Variants in ARHGAP23 observed in about 807,000 individuals in gnomAD.
ARHGAP23 encodes the protein rho GTPase-activating protein 23.
ARHGAP23 carries 34 observed loss-of-function variants against 136.3 expected under a neutral mutation model. That is an observed-to-expected ratio of 0.25 (90% CI 0.19 to 0.33). The LOEUF (loss-of-function observed/expected upper bound fraction) is 0.33, where lower values mean the gene tolerates loss of function less well. ARHGAP23 is among the 10% of genes least tolerant of loss of function. The pLI, the probability that ARHGAP23 is intolerant of heterozygous loss-of-function variation, is 1.00. For synonymous variants in ARHGAP23, 832 were observed against 920.5 expected, an observed-to-expected ratio of 0.90 and a Z score of 1.74; for missense variants, 1,808 against 2,139.0, an observed-to-expected ratio of 0.85 and a Z score of 3.05.
intron 12 of ARHGAP23, among the ~76,000 whole-genome samples, chr17:38,479,202 G>T (rs1277380125): frequency 1.3e-5 from 2 of 152,188 alleles, no homozygotes; most frequent in Admixed American, 1.3e-4. Context: ...AGCCTTCCCT[G>T]TTAGCCCCCC....
At chr17:38,478,513 C>T (rs188293805) in intron 12 of ARHGAP23, among the ~76,000 whole-genome samples, 1 of 151,650 alleles carries the variant, frequency 6.6e-6, no homozygotes, top group Non-Finnish European at 1.5e-5. Context: ...CTCCCAGGTT[C>T]AAGTGATTCT....
At chr17:38,480,655 G>A (rs2040015713) in intron 14 of ARHGAP23, among the ~76,000 whole-genome samples, 1 of 150,538 alleles carries the variant, frequency 6.6e-6, no homozygotes, top group East Asian at 2.0e-4. Flanking sequence ...TACAATAAAA[G>A]TACCCGGGCG....
At position 38,510,045 on chromosome 17, in the gene ARHGAP23, G is replaced by A; in HGVS notation, c.3549G>A (p.Arg1183=). 8.0e-7 allele frequency: 1 copy of A among 1,243,486 alleles called. No individual in the cohort carries two copies. Among genetic ancestry groups the A allele is most frequent in the Non-Finnish European group, 1.0e-6 (1 of 994,478 alleles). 77.0% of individuals were successfully genotyped at this position (1,243,486 alleles called of 1,614,324 possible). The change falls in exon 24 of 24, where the codon CGG becomes CGA. Residue 1183 remains arginine, a synonymous_variant. Coordinates refer to ENST00000622683, the MANE Select transcript of ARHGAP23 (RefSeq NM_001199417.2). This position sits in a 1 kb window ranked among gnomAD's most constrained non-coding sequence, Gnocchi z 4.6. Reference sequence around the variant, plus strand: ...AGCGCAAGAAGCGGCGGGAGGCGCGGGGGCTGGGCAGCAGCACCGACGACG... The same window carrying A: ...AGCGCAAGAAGCGGCGGGAGGCGCGAGGGCTGGGCAGCAGCACCGACGACG... ...NRKRKKRREA[R]GLGSSTDDDS...
At chr17:38,458,284 C>T (rs931174099) in intron 2 of ARHGAP23, 21 bp downstream of exon 2, 2 of 1,488,292 alleles carry the variant, frequency 1.3e-6, no homozygotes, top group Non-Finnish European at 1.8e-6. Flanking sequence ...CTCGCCGCTG[C>T]CCTGGTCTGG....
At chr17:38,464,999 G>C (rs1274967941) in intron 6 of ARHGAP23, among the ~76,000 whole-genome samples, 1 of 152,096 alleles carries the variant, frequency 6.6e-6, no homozygotes, top group Admixed American at 6.5e-5. Context: ...GAGAGAGTCG[G>C]GTGGGGGTGA....
chr17:38,443,444 G>T (rs1668329520), intron 1 of ARHGAP23, among the ~76,000 whole-genome samples: 1 of 152,154 alleles, frequency 6.6e-6, no homozygotes, highest in Admixed American at 6.5e-5. Flanking sequence ...GGGGGAGGCG[G>T]GAGGAGGATC....
At chr17:38,466,133 G>T in intron 6 of ARHGAP23, 34 bp from the exon 7 acceptor site, 1 of 1,441,344 alleles carries the variant, frequency 6.9e-7, no homozygotes. Context: ...GGACTTGTCT[G>T]GCCCTGCTTA....
At chr17:38,450,124 T>G (rs1271502681) in intron 1 of ARHGAP23, among the ~76,000 whole-genome samples, 2 of 152,116 alleles carry the variant, frequency 1.3e-5, no homozygotes, top group African/African-American at 4.8e-5. Context: ...CTCCCTTGGT[T>G]TGTGGGGGTC....
intron 17 of ARHGAP23, among the ~76,000 whole-genome samples, chr17:38,487,003 GA>G (rs2040175441): frequency 6.6e-6 from 1 of 152,134 alleles, no homozygotes; most frequent in Non-Finnish European, 1.5e-5. Flanking sequence ...GTCTCTGGGG[GA>G]AAAAAGCCCT....
At chr17:38,425,223 G>A (rs1466781648), upstream of ARHGAP23, among the ~76,000 whole-genome samples, 1 of 152,092 alleles carries the variant, frequency 6.6e-6, no homozygotes, top group African/African-American at 2.4e-5. Flanking sequence ...CTGCCCATAG[G>A]CACCCTCCAC....
rs138450325 is a variant in ARHGAP23, at chr17:38,487,377, A to G, written c.2986+1237A>G. On this transcript the variant is annotated intron_variant, in intron 17 of 23. Coordinates refer to ENST00000622683, the MANE Select transcript of ARHGAP23 (RefSeq NM_001199417.2). ...AACCTGTTGCAATGGCTTTCCTTGAATAAGTCCTTGCACGCCTGGATCTGT... is the reference window on the plus strand; with the variant it reads ...AACCTGTTGCAATGGCTTTCCTTGAGTAAGTCCTTGCACGCCTGGATCTGT... Among the ~76,000 whole-genome samples, 785 of 152,332 alleles carry G rather than the reference A, an allele frequency of 5.2e-3. 7 individuals are homozygous for G. Among genetic ancestry groups the G allele is most frequent in the African/African-American group, 0.018 (749 of 41,574 alleles).
At chr17:38,507,478 C>T (rs987873351) in intron 23 of ARHGAP23, among the ~76,000 whole-genome samples, 1 of 151,980 alleles carries the variant, frequency 6.6e-6, no homozygotes, top group East Asian at 1.9e-4. Flanking sequence ...TCCTGCTGGC[C>T]CCCTGCTTTC....
In ARHGAP23 at chr17:38,469,288, C is replaced by T. The variant is rs1290381552; in HGVS notation, c.1793C>T (p.Ser598Leu). 3.2e-6 allele frequency: 5 copies of T among 1,550,790 alleles called. No homozygotes were observed. Among genetic ancestry groups the T allele is most frequent in the East Asian group, 2.4e-5 (1 of 40,922 alleles). ...ACTTTCACCCTCGGACGCCATTACT[C>T]GCAGGACTGCAGTGAGCACTCCCCA... is the stretch of plus-strand genomic sequence containing the variant. ...TFTFTLGRHY[S>L]QDCSSIKAGR... Residue 598 changes from serine to leucine, a missense_variant, in exon 8 of 24, where the codon TCG becomes TTG. Physicochemically the swap from Ser to Leu is moderately radical, Grantham distance 145. Coordinates refer to ENST00000622683, the MANE Select transcript of ARHGAP23 (RefSeq NM_001199417.2).
chr17:38,479,577 C>T, intron 13 of ARHGAP23, 80 bp downstream of exon 13: 1 of 1,477,032 alleles, frequency 6.8e-7, no homozygotes, highest in South Asian at 1.2e-5. Flanking sequence ...TCCTGGCCCA[C>T]CTCCAGGGCT....
At chr17:38,437,957 C>T (rs2038837288) in intron 1 of ARHGAP23, among the ~76,000 whole-genome samples, 1 of 152,064 alleles carries the variant, frequency 6.6e-6, no homozygotes, top group Non-Finnish European at 1.5e-5. Context: ...CCCCTGCCTC[C>T]TCCAAAGATG....
intron 11 of ARHGAP23, among the ~76,000 whole-genome samples, chr17:38,472,396 TTA>T (rs1394640662): frequency 6.7e-6 from 1 of 149,304 alleles, no homozygotes; most frequent in African/African-American, 2.6e-5. Flanking sequence ...AGCAAAGGGC[TTA>T]GTGTTCATCC....
Position 38,466,327 on chromosome 17 carries a change from T to A in ARHGAP23, c.644T>A (p.Leu215Gln). ...ATGGTGCCTGAGCCCACCTCAGCAC[T>A]GCCCAGTGACCCCCGGAGTCCTGCT... ...ATMVPEPTSALPSDPRSPAAW... is the reference protein window; with the variant it reads ...ATMVPEPTSAQPSDPRSPAAW... The change falls in exon 7 of 24, where the codon CTG (leucine) becomes CAG (glutamine). Residue 215 changes from leucine to glutamine, a missense_variant. By Grantham distance (113) the Leu-to-Gln change is moderately radical (BLOSUM62 -2). Transcript: ENST00000622683. 6.5e-7 allele frequency: 1 copy of A among 1,544,758 alleles called. No homozygotes were observed. The highest frequency in any genetic ancestry group is 1.2e-5 in the South Asian group (1 of 83,902).
In ARHGAP23 at chr17:38,510,566, C is replaced by A. The variant is rs1335669465; in HGVS notation, c.4070C>A (p.Pro1357His). The A allele has an allele frequency of 1.9e-5, 24 of 1,238,538 alleles. No homozygotes were observed. Among genetic ancestry groups the A allele is most frequent in the Non-Finnish European group, 2.4e-5 (24 of 991,164 alleles). The allele number at this position is 1,238,538 out of a possible 1,614,324, so 76.7% of individuals were successfully genotyped here. Residue 1357 changes from proline (P) to histidine (H), a missense_variant, in exon 24 of 24, where the codon CCC (proline) becomes CAC (histidine). Pro to His is a moderately conservative substitution (Grantham distance 77). Coordinates refer to ENST00000622683, the MANE Select transcript of ARHGAP23 (RefSeq NM_001199417.2). The surrounding 1 kb of genome is among the most constrained non-coding windows in gnomAD (Gnocchi z 4.6). ...ASSSSQESLR[P>H]PAAALASRPS... Reference sequence around the variant, plus strand: ...TCCAGCAGCCAGGAGTCGCTGCGGCCCCCGGCGGCGGCGCTGGCCTCCCGG... The same window carrying A: ...TCCAGCAGCCAGGAGTCGCTGCGGCACCCGGCGGCGGCGCTGGCCTCCCGG...
rs565508400 is a variant in ARHGAP23 at position 38,502,742 on chromosome 17, CT to C, written c.3447+2117del. On this transcript the variant is annotated intron_variant, in intron 23 of 23. Transcript: ENST00000622683. Reference sequence around the variant, plus strand: ...GGAAAAATATGTGGCTTGAGGGAAACTTTCATTAAAAGATGAAAGCAGCCAG... The same window carrying C: ...GGAAAAATATGTGGCTTGAGGGAAACTTCATTAAAAGATGAAAGCAGCCAG... Among the ~76,000 whole-genome samples, 321 of 152,286 alleles carry C rather than the reference CT, an allele frequency of 2.1e-3. 3 individuals carry two copies. The highest frequency in any genetic ancestry group is 7.6e-3 in the African/African-American group (316 of 41,552).
Sources: allele counts gnomAD v4.1 joint callset (sites outside exome capture counted in the v4.1 genomes callset), GRCh38; gene constraint gnomAD v4.1.1; non-coding constraint Gnocchi (gnomAD v3.1); transcripts MANE v1.5; gene names NCBI Gene and HGNC (gene_info 2026-07-23, HGNC 2026-07-21).